SOX13: variants seen among roughly 807,000 people sequenced by gnomAD.
SOX13 encodes the protein transcription factor SOX-13.
In SOX13, 28 loss-of-function variants were observed where a neutral mutation model predicts 71.8. That is an observed-to-expected ratio of 0.39 (90% CI 0.29 to 0.53). SOX13 has a LOEUF of 0.53. Ranked by LOEUF, SOX13 falls within the 20% of genes least tolerant of loss-of-function variation. SOX13 has a pLI of 0.70. For missense variants in SOX13, 627 were observed against 810.3 expected, an observed-to-expected ratio of 0.77 and a Z score of 2.75; for synonymous variants, 309 against 317.8, an observed-to-expected ratio of 0.97 and a Z score of 0.29.
intron 7 of SOX13, 84 bp from the exon 8 acceptor site, chr1:204,121,816 C>T (rs1395927978): frequency 2.5e-5 from 24 of 952,600 alleles, no homozygotes; most frequent in Non-Finnish European, 4.0e-5. Context: ...CATTGCCCAT[C>T]TTGTGGTGCT....
intron 12 of SOX13, 98 bp from the exon 13 acceptor site, chr1:204,124,543 A>G: frequency 1.0e-6 from 1 of 973,962 alleles, no homozygotes; most frequent in Non-Finnish European, 1.6e-6. Flanking sequence ...TATCTTATGG[A>G]CCCACCTGGG....
chr1:204,107,735 C>G (rs553711907), intron 1 of SOX13, among the ~76,000 whole-genome samples: 1 of 152,110 alleles, frequency 6.6e-6, no homozygotes, highest in African/African-American at 2.4e-5. Flanking sequence ...CCATTGGGGG[C>G]GGGGTGGCAT....
intron 1 of SOX13, among the ~76,000 whole-genome samples, chr1:204,086,974 G>T (rs1484679963): frequency 1.3e-5 from 2 of 151,074 alleles, no homozygotes; most frequent in African/African-American, 2.4e-5. Context: ...CCAGGCTGGA[G>T]TGCAGTGGCG....
intron 1 of SOX13, among the ~76,000 whole-genome samples, chr1:204,095,380 A>G (rs1451518561): frequency 6.6e-6 from 1 of 152,136 alleles, no homozygotes; most frequent in Non-Finnish European, 1.5e-5. Flanking sequence ...GGAAGCCTTT[A>G]ATTGTTTCTA....
In SOX13 at chr1:204,097,768, A is replaced by C. The variant is rs148659184; in HGVS notation, c.-1-15147A>C. On this transcript the variant is annotated intron_variant, in intron 1 of 13. Coordinates refer to ENST00000367204, the MANE Select transcript of SOX13 (RefSeq NM_005686.3). Reference sequence around the variant, plus strand: ...AAAAACAAAACCACCTTCAGAAAAAAAGATTTGATAGAAATAGGCCAAATT... The same window carrying C: ...AAAAACAAAACCACCTTCAGAAAAACAGATTTGATAGAAATAGGCCAAATT... Among the ~76,000 whole-genome samples, 55 of 152,278 alleles carry C rather than the reference A, an allele frequency of 3.6e-4. No homozygotes were observed. The East Asian group carries it at 0.01, about 29-fold the overall frequency.
chr1:204,099,424 CTTTTTTTTTTTT>C (rs200311750), intron 1 of SOX13, among the ~76,000 whole-genome samples: 2 of 93,452 alleles, frequency 2.1e-5, no homozygotes, highest in South Asian at 4.0e-4. Context: ...CTTTTTCTGG[CTTTTTTTTTTTT>C]TTTTTTTTTT....
At position 204,114,367 on chromosome 1, in the gene SOX13, C is replaced by T; in HGVS notation, c.266C>T (p.Pro89Leu). 1.2e-6 allele frequency: 2 copies of T among 1,612,078 alleles called. No individual in the cohort carries two copies. The highest frequency in any genetic ancestry group is 8.5e-7 in the Non-Finnish European group (1 of 1,179,116). The change falls in exon 3 of 14, where the codon CCA becomes CTA. Residue 89 changes from proline (P) to leucine (L), a missense_variant. This residue lies in a region of SOX13 where 447 missense variants were observed against 532.2 expected (regional missense o/e 0.84). Coordinates refer to ENST00000367204, the MANE Select transcript of SOX13 (RefSeq NM_005686.3). Reference sequence around the variant, plus strand: ...AATGGGTCCCCAGAACCCAAGAGACCAGGAGTGTCGGAGGCTGCCTCTGGA... The same window carrying T: ...AATGGGTCCCCAGAACCCAAGAGACTAGGAGTGTCGGAGGCTGCCTCTGGA... ...EGNGSPEPKR[P>L]GVSEAASGSQ...
chr1:204,122,794 C>T (rs535385177), intron 9 of SOX13, 60 bp from the exon 10 acceptor site: 2 of 1,089,476 alleles, frequency 1.8e-6, no homozygotes, highest in African/African-American at 3.1e-5. Context: ...TGGGCTCATG[C>T]TGGGCTGATG....
intron 1 of SOX13, among the ~76,000 whole-genome samples, chr1:204,079,674 C>T (rs1655860273): frequency 6.6e-6 from 1 of 152,088 alleles, no homozygotes; most frequent in Admixed American, 6.5e-5. Context: ...GTAGCTACCA[C>T]CTGCTACTCC....
chr1:204,104,364 G>C (rs1247041876), intron 1 of SOX13, among the ~76,000 whole-genome samples: 1 of 152,246 alleles, frequency 6.6e-6, no homozygotes, highest in Non-Finnish European at 1.5e-5. Flanking sequence ...GGAAAGCTTT[G>C]TCCCAAGCCT....
chr1:204,082,020 C>T (rs138211709), intron 1 of SOX13, among the ~76,000 whole-genome samples: 7 of 151,458 alleles, frequency 4.6e-5, no homozygotes, highest in Admixed American at 4.6e-4. Context: ...CCCCTTCAGC[C>T]CCTGCTGTTT....
At chr1:204,120,855 G>A (rs1338457277) in intron 7 of SOX13, among the ~76,000 whole-genome samples, 1 of 152,150 alleles carries the variant, frequency 6.6e-6, no homozygotes, top group Non-Finnish European at 1.5e-5. Context: ...GTGCCATGTC[G>A]AGAAGAAGGA....
At chr1:204,096,271 ACT>A (rs1328922680) in intron 1 of SOX13, among the ~76,000 whole-genome samples, 2 of 102,140 alleles carry the variant, frequency 2.0e-5, no homozygotes, top group Non-Finnish European at 3.6e-5. Context: ...ACAGGGTCTC[ACT>A]CTGTCTCCCA....
At chr1:204,114,268 C>A (rs1049992501) in intron 2 of SOX13, 53 bp from the exon 3 acceptor site, 10 of 1,266,404 alleles carry the variant, frequency 7.9e-6, no homozygotes, top group Non-Finnish European at 1.1e-5. Flanking sequence ...GCCCTCCCTG[C>A]AGCCTGTCCC....
At chr1:204,124,028 CGT>C (rs371106788) in intron 12 of SOX13, among the ~76,000 whole-genome samples, 1 of 152,048 alleles carries the variant, frequency 6.6e-6, no homozygotes, top group Non-Finnish European at 1.5e-5. Flanking sequence ...AAGGAGTGTG[CGT>C]GTGTGTGTGT....
In SOX13 at chr1:204,121,988, A is replaced by T; in HGVS notation, c.861+3A>T. Reference sequence around the variant, plus strand: ...TGGCCACCCACCACCCCCTGCAGGTACCGCCCTCTACCCACTGGCCTGGGG... The same window carrying T: ...TGGCCACCCACCACCCCCTGCAGGTTCCGCCCTCTACCCACTGGCCTGGGG... On this transcript the variant is annotated splice_donor_region_variant and intron_variant, in intron 8 of 13. Coordinates refer to ENST00000367204, the MANE Select transcript of SOX13 (RefSeq NM_005686.3). 6.3e-7 allele frequency: 1 copy of T among 1,592,360 alleles called. No homozygotes were observed. Among genetic ancestry groups the T allele is most frequent in the African/African-American group, 1.3e-5 (1 of 74,598 alleles).
intron 1 of SOX13, among the ~76,000 whole-genome samples, chr1:204,074,937 C>CGGCGCTGGCGCTGGCGCT (rs561332060): frequency 1.3e-5 from 2 of 152,176 alleles, no homozygotes; most frequent in African/African-American, 4.8e-5. Flanking sequence ...CAGGACGCCT[C>CGGCGCTGGCGCTGGCGCT]GGCGCTGGCG....
At chr1:204,117,227 A>G (rs1262501684) in intron 6 of SOX13, 37 bp downstream of exon 6, 1 of 1,576,962 alleles carries the variant, frequency 6.3e-7, no homozygotes, top group Non-Finnish European at 8.7e-7. Context: ...CACAGGAGGC[A>G]GTTGAGGGAG....
At chr1:204,087,143 C>T (rs1025500392) in intron 1 of SOX13, among the ~76,000 whole-genome samples, 2 of 152,164 alleles carry the variant, frequency 1.3e-5, no homozygotes, top group African/African-American at 2.4e-5. Context: ...AGGATGGTCT[C>T]GATTTCCTGA....
Sources: gnomAD v4.1 joint callset for allele counts (sites outside exome capture counted in the v4.1 genomes callset) on GRCh38, gnomAD v4.1.1 for gene constraint, gnomAD v4.1.1 regional missense constraint, MANE v1.5 for transcripts, NCBI Gene and HGNC (gene_info 2026-07-23, HGNC 2026-07-21) for gene names.